BICC1: variants seen among roughly 807,000 people sequenced by gnomAD.
BICC1 encodes the protein protein bicaudal C homolog 1.
In BICC1, 43 loss-of-function variants were observed where a neutral mutation model predicts 111.0. That is an observed-to-expected ratio of 0.39 (90% confidence interval 0.30 to 0.50). The LOEUF (loss-of-function observed/expected upper bound fraction) is 0.50, where lower values mean the gene tolerates loss of function less well. Among genes scored for constraint, BICC1 ranks in the 20% least tolerant of loss-of-function variants. The pLI is 0.88. For missense variants in BICC1, 1,091 were observed against 1,203.2 expected (o/e 0.91, Z 1.38); for synonymous variants, 467 against 434.4 (o/e 1.07, Z -0.93).
chr10:58,591,523 C>A (rs1191346578), intron 1 of BICC1, among the ~76,000 whole-genome samples: 1 of 152,178 alleles, frequency 6.6e-6, no homozygotes, highest in Non-Finnish European at 1.5e-5. Context: ...GGGCACTAAT[C>A]CCACTCTTGA....
At chr10:58,708,936 A>G (rs1840486602) in intron 3 of BICC1, among the ~76,000 whole-genome samples, 2 of 152,280 alleles carry the variant, frequency 1.3e-5, no homozygotes, top group African/African-American at 4.8e-5. Flanking sequence ...CCTTAAAAGG[A>G]AAACCTTACT....
intron 2 of BICC1, among the ~76,000 whole-genome samples, chr10:58,686,245 G>A (rs368052214): frequency 6.6e-6 from 1 of 152,206 alleles, no homozygotes; most frequent in South Asian, 2.1e-4. Context: ...CTGTTAGTCT[G>A]ATGGGATTCC....
intron 1 of BICC1, among the ~76,000 whole-genome samples, chr10:58,532,861 G>A (rs944913508): frequency 6.6e-6 from 1 of 151,880 alleles, no homozygotes; most frequent in Admixed American, 6.6e-5. Context: ...AGCATTTCTC[G>A]AAAGAATTGT....
intron 2 of BICC1, among the ~76,000 whole-genome samples, chr10:58,657,861 C>T (rs1027955905): frequency 1.3e-5 from 2 of 152,008 alleles, no homozygotes; most frequent in African/African-American, 4.8e-5. Context: ...GTGGATATAG[C>T]GTAAAGAATT....
chr10:58,523,363 G>C (rs1274888826), intron 1 of BICC1, among the ~76,000 whole-genome samples: 1 of 152,188 alleles, frequency 6.6e-6, no homozygotes, highest in Non-Finnish European at 1.5e-5. Context: ...CCACGATCAA[G>C]TTGGCTTCAT....
Position 58,829,189 on chromosome 10 carries a change from TGA to T in BICC1, c.*299_*300del, listed in dbSNP as rs1286524391. ...TTTACCTATATAACATATGCACTGATGATTTTTTTTTTTTTTTTTTTTTTTTT... is the reference window on the plus strand; with the variant it reads ...TTTACCTATATAACATATGCACTGATTTTTTTTTTTTTTTTTTTTTTTTTT... On this transcript the variant is annotated 3_prime_UTR_variant, in exon 21 of 21. Coordinates refer to ENST00000373886, the MANE Select transcript of BICC1 (RefSeq NM_001080512.3). 6.2e-5 allele frequency: 9 copies of T among 145,410 alleles called. No homozygotes were observed. The highest frequency in any genetic ancestry group is 3.8e-4 in the Admixed American group (5 of 13,072). 9.0% of individuals were successfully genotyped at this position (145,410 alleles called of 1,614,324 possible).
chr10:58,600,115 A>G (rs1844979069), intron 1 of BICC1, among the ~76,000 whole-genome samples: 1 of 152,042 alleles, frequency 6.6e-6, no homozygotes, highest in Non-Finnish European at 1.5e-5. Flanking sequence ...TGTTGTAGTC[A>G]CTGCTTCTGC....
At chr10:58,565,151 C>T (rs1356765830) in intron 1 of BICC1, among the ~76,000 whole-genome samples, 1 of 152,156 alleles carries the variant, frequency 6.6e-6, no homozygotes, top group Admixed American at 6.5e-5. Context: ...GATAGAGATG[C>T]ATTTCATATT....
At position 58,592,390 on chromosome 10, in the gene BICC1, C is replaced by T. The variant is rs373388340; in HGVS notation, c.191-28465C>T. On this transcript the variant is annotated intron_variant, in intron 1 of 20. Transcript: ENST00000373886. ...TCTGCTATGACATTGTTTTTGTTTC[C>T]CTCTATAAACCCTTCAAATAATTTT... Among the ~76,000 whole-genome samples the T allele has an allele frequency of 3.3e-5, 5 of 151,924 alleles. No individual in the cohort carries two copies. The East Asian group carries it at 7.7e-4, about 23-fold the overall frequency.
At chr10:58,542,199 G>C (rs1162306870) in intron 1 of BICC1, among the ~76,000 whole-genome samples, 1 of 149,762 alleles carries the variant, frequency 6.7e-6, no homozygotes, top group Non-Finnish European at 1.5e-5. Flanking sequence ...CAGACTAGTG[G>C]AACAGAATAG....
At chr10:58,724,752 G>A (rs1368021725) in intron 3 of BICC1, among the ~76,000 whole-genome samples, 1 of 152,234 alleles carries the variant, frequency 6.6e-6, no homozygotes, top group Non-Finnish European at 1.5e-5. Context: ...CAGACTGGCA[G>A]TCACCAGAAC....
At position 58,756,198 on chromosome 10, in the gene BICC1, G is replaced by A. The variant is rs192244774; in HGVS notation, c.308-28803G>A. 1.5e-3 allele frequency among the ~76,000 whole-genome samples: 234 copies of A among 151,794 alleles called. 1 individual carries two copies. The highest frequency in any genetic ancestry group is 2.5e-3 in the Non-Finnish European group (171 of 67,796). On this transcript the variant is annotated intron_variant, in intron 3 of 20. Coordinates refer to ENST00000373886, the MANE Select transcript of BICC1 (RefSeq NM_001080512.3). Reference sequence around the variant, plus strand: ...AGACTTTTAAAAAATACTCCCTTTCGTATCTTAGAAGGCAATAGATCTTCT... The same window carrying A: ...AGACTTTTAAAAAATACTCCCTTTCATATCTTAGAAGGCAATAGATCTTCT...
intron 2 of BICC1, among the ~76,000 whole-genome samples, chr10:58,658,611 C>T (rs1246094303): frequency 6.6e-6 from 1 of 152,054 alleles, no homozygotes; most frequent in African/African-American, 2.4e-5. Context: ...CCCTGTTTAT[C>T]AAATTGTTTA....
At chr10:58,725,299 T>G (rs892150647) in intron 3 of BICC1, among the ~76,000 whole-genome samples, 1 of 152,214 alleles carries the variant, frequency 6.6e-6, no homozygotes, top group Non-Finnish European at 1.5e-5. Flanking sequence ...GATCGTTCCA[T>G]CTGTGACTTC....
intron 3 of BICC1, among the ~76,000 whole-genome samples, chr10:58,713,371 G>T (rs946815213): frequency 1.3e-5 from 2 of 152,174 alleles, no homozygotes; most frequent in African/African-American, 4.8e-5. Context: ...ACTTTATGAG[G>T]AGGAAAGGAG....
At chr10:58,614,995 T>G (rs755700320) in intron 1 of BICC1, among the ~76,000 whole-genome samples, 1 of 152,116 alleles carries the variant, frequency 6.6e-6, no homozygotes, top group Non-Finnish European at 1.5e-5. Context: ...TTCATTGCCA[T>G]GTGAAAGTGG....
At chr10:58,565,628 C>T (rs1843731675) in intron 1 of BICC1, among the ~76,000 whole-genome samples, 1 of 152,072 alleles carries the variant, frequency 6.6e-6, no homozygotes, top group South Asian at 2.1e-4. Flanking sequence ...AAACCTTTAT[C>T]ATATTAATTA....
chr10:58,641,999 A>G (rs1341551447), intron 2 of BICC1, among the ~76,000 whole-genome samples: 1 of 152,238 alleles, frequency 6.6e-6, no homozygotes, highest in Non-Finnish European at 1.5e-5. Flanking sequence ...GTTACAAAAT[A>G]TCTTGCAGGG....
intron 18 of BICC1, among the ~76,000 whole-genome samples, chr10:58,816,821 C>T (rs981200111): frequency 1.7e-4 from 24 of 145,390 alleles, no homozygotes; most frequent in African/African-American, 6.1e-4. Context: ...TTCAATAGTC[C>T]GTCACCAGCG....
Sources: gnomAD v4.1 joint callset for allele counts (sites outside exome capture counted in the v4.1 genomes callset) on GRCh38, gnomAD v4.1.1 for gene constraint, MANE v1.5 for transcripts, NCBI Gene and HGNC (gene_info 2026-07-23, HGNC 2026-07-21) for gene names.